The following CLNK variants were observed in gnomAD, a reference collection of about 807,000 sequenced individuals.
CLNK encodes cytokine-dependent hematopoietic cell linker.
Under a neutral mutation model 68.6 loss-of-function variants are expected in CLNK, and 74 were observed. The ratio of observed to expected loss-of-function variants is 1.08; its 90% CI spans 0.89 to 1.31. The LOEUF (loss-of-function observed/expected upper bound fraction) is 1.31. CLNK is among the 50% of genes most tolerant of loss of function. The pLI is 0.00. For missense variants in CLNK, 553 were observed against 515.3 expected (o/e 1.07, Z -0.71); for synonymous variants, 198 against 172.2 (o/e 1.15, Z -1.17).
At chr4:10,628,580 C>T (rs1261103014) in intron 2 of CLNK, among the ~76,000 whole-genome samples, 1 of 152,128 alleles carries the variant, frequency 6.6e-6, no homozygotes, top group African/African-American at 2.4e-5. Flanking sequence ...GGCTGAGGGG[C>T]CTTGGAGGCA....
At chr4:10,510,432 C>A (rs114906418) in intron 16 of CLNK, among the ~76,000 whole-genome samples, 1 of 152,074 alleles carries the variant, frequency 6.6e-6, no homozygotes, top group Admixed American at 6.6e-5. Flanking sequence ...GTTTTGTTTG[C>A]GTTGCAATGA....
intron 2 of CLNK, among the ~76,000 whole-genome samples, chr4:10,659,444 A>G (rs1724106401): frequency 6.6e-6 from 1 of 152,202 alleles, no homozygotes; most frequent in Admixed American, 6.5e-5. Context: ...CTAAAATGTC[A>G]CGGCTCTGTT....
intron 2 of CLNK, among the ~76,000 whole-genome samples, chr4:10,606,143 G>A (rs780332217): frequency 3.9e-5 from 6 of 152,100 alleles, no homozygotes; most frequent in Non-Finnish European, 7.4e-5. Context: ...ATAGCTGTAC[G>A]AAGATACTTG....
intron 2 of CLNK, among the ~76,000 whole-genome samples, chr4:10,601,812 A>G (rs117382251): frequency 6.6e-6 from 1 of 152,304 alleles, no homozygotes; most frequent in East Asian, 1.9e-4. Context: ...GAATCACAAA[A>G]GCTTTTTAAA....
intron 2 of CLNK, among the ~76,000 whole-genome samples, chr4:10,605,021 G>A (rs1286153270): frequency 6.6e-6 from 1 of 152,180 alleles, no homozygotes; most frequent in Non-Finnish European, 1.5e-5. Context: ...ACAAAGACTA[G>A]GGTTTCCTGA....
At chr4:10,721,689 A>G in the CLNK span, among the ~76,000 whole-genome samples, 1 of 152,150 alleles carries the variant, frequency 6.6e-6, no homozygotes, top group Non-Finnish European at 1.5e-5. Flanking sequence ...CTTTCATTTA[A>G]ACAGTAATTA....
At chr4:10,634,640 A>C (rs758618636) in intron 2 of CLNK, among the ~76,000 whole-genome samples, 6 of 152,122 alleles carry the variant, frequency 3.9e-5, no homozygotes, top group Non-Finnish European at 8.8e-5. Flanking sequence ...TCTCAGAGGC[A>C]CCTCTGCATT....
intron 15 of CLNK, among the ~76,000 whole-genome samples, chr4:10,518,446 A>G (rs1330144820): frequency 1.3e-5 from 2 of 152,174 alleles, no homozygotes; most frequent in Non-Finnish European, 2.9e-5. Context: ...ACAATTTAAA[A>G]CATAATTTTA....
At chr4:10,681,118 T>C (rs1725079925) in intron 1 of CLNK, among the ~76,000 whole-genome samples, 1 of 152,206 alleles carries the variant, frequency 6.6e-6, no homozygotes, top group African/African-American at 2.4e-5. Flanking sequence ...GACTTAGTGC[T>C]CAACAAGCTA....
At chr4:10,608,702 G>A (rs931573836) in intron 2 of CLNK, among the ~76,000 whole-genome samples, 4 of 152,196 alleles carry the variant, frequency 2.6e-5, no homozygotes, top group African/African-American at 7.2e-5. Context: ...AGTCAACTAT[G>A]CATTAAGTAG....
intron 2 of CLNK, among the ~76,000 whole-genome samples, chr4:10,605,645 T>A (rs920457691): frequency 6.6e-6 from 1 of 151,732 alleles, no homozygotes; most frequent in Non-Finnish European, 1.5e-5. Flanking sequence ...CTGCCCAACA[T>A]GGTAAAACCC....
chr4:10,711,955 A>C, the CLNK span, among the ~76,000 whole-genome samples: 2 of 152,146 alleles, frequency 1.3e-5, no homozygotes, highest in African/African-American at 4.8e-5. Context: ...TGAACATGGA[A>C]ATATTGGCTG....
At chr4:10,589,418 C>G (rs182812518) in intron 3 of CLNK, among the ~76,000 whole-genome samples, 1 of 152,302 alleles carries the variant, frequency 6.6e-6, no homozygotes, top group African/African-American at 2.4e-5. Context: ...TCCAGTCTAC[C>G]TCTCAGTGGG....
intron 2 of CLNK, among the ~76,000 whole-genome samples, chr4:10,647,843 A>T (rs563530877): frequency 6.6e-6 from 1 of 152,300 alleles, no homozygotes; most frequent in Admixed American, 6.5e-5. Context: ...ATAAACATAG[A>T]TATATTATGC....
chr4:10,553,052 G>GT (rs769711429), intron 8 of CLNK, among the ~76,000 whole-genome samples: 2 of 66,962 alleles, frequency 3.0e-5, no homozygotes, highest in East Asian at 6.0e-4. Context: ...AGGAAGAGGA[G>GT]GGGGGGGCAT....
At chr4:10,701,172 T>A in the CLNK span, among the ~76,000 whole-genome samples, 1 of 152,222 alleles carries the variant, frequency 6.6e-6, no homozygotes, top group African/African-American at 2.4e-5. Flanking sequence ...TTTGTCAATA[T>A]TTTGACAAGG....
chr4:10,699,755 C>G, the CLNK span, among the ~76,000 whole-genome samples: 1 of 151,558 alleles, frequency 6.6e-6, no homozygotes, highest in Non-Finnish European at 1.5e-5. Context: ...CTCAGATGAT[C>G]CATCCGCCTC....
upstream of CLNK, among the ~76,000 whole-genome samples, chr4:10,688,744 C>T (rs963421097): frequency 6.6e-6 from 1 of 152,108 alleles, no homozygotes; most frequent in Non-Finnish European, 1.5e-5. Flanking sequence ...TGTTAACAAC[C>T]TGAAATCTAT....
At chr4:10,590,080 G>T (rs1245065102) in intron 3 of CLNK, among the ~76,000 whole-genome samples, 1 of 152,152 alleles carries the variant, frequency 6.6e-6, no homozygotes, top group Non-Finnish European at 1.5e-5. Flanking sequence ...GTGTATATAA[G>T]CCGGTGTCAA....
Sources: gnomAD v4.1 joint callset for allele counts (sites outside exome capture counted in the v4.1 genomes callset) on GRCh38, gnomAD v4.1.1 for gene constraint, MANE v1.5 for transcripts, NCBI Gene and HGNC (gene_info 2026-07-23, HGNC 2026-07-21) for gene names.